The following DEPDC7 variants were observed in gnomAD, a reference collection of about 807,000 sequenced individuals.
The protein encoded by DEPDC7 is DEP domain-containing protein 7.
In DEPDC7, 41 loss-of-function variants were observed where a neutral mutation model predicts 56.6. The observed-to-expected ratio is 0.72, with a 90% CI of 0.56 to 0.94. The LOEUF is 0.94. Among genes scored for constraint, DEPDC7 ranks in the 40% least tolerant of loss-of-function variants. The pLI, the probability that DEPDC7 is intolerant of heterozygous loss-of-function variation, is 0.00. For synonymous variants in DEPDC7, 185 were observed against 208.8 expected (o/e 0.89, Z 0.98); for missense variants, 522 against 596.3 (o/e 0.88, Z 1.30).
chr11:33,026,482 A>G (rs1303845972), intron 2 of DEPDC7: 4 of 240,682 alleles, frequency 1.7e-5, no homozygotes, highest in Admixed American at 1.0e-4. Flanking sequence ...TTTGTCATGA[A>G]GTAAACCAAC....
chr11:33,032,819 G>T, intron 7 of DEPDC7, 26 bp downstream of exon 7: 2 of 1,591,840 alleles, frequency 1.3e-6, no homozygotes, highest in Non-Finnish European at 1.7e-6. Flanking sequence ...TAGTTAAATT[G>T]AGCTTATGTA....
chr11:33,019,370 A>G (rs1324326781), intron 1 of DEPDC7, among the ~76,000 whole-genome samples: 1 of 152,046 alleles, frequency 6.6e-6, no homozygotes, highest in Non-Finnish European at 1.5e-5. Context: ...CTTCCTTTAA[A>G]AATTTTTTTT....
In DEPDC7 at chr11:33,031,553, T is replaced by C; in HGVS notation, c.958T>C (p.Leu320=). ...TAGTAGGGAACCTCTGTTAAATCAC[T>C]TATCTGACGTTCATAATGGAATTGC... ...YSSREPLLNH[L]SDVHNGIAEL... Residue 320 remains leucine (L), a synonymous_variant, in exon 5 of 9, where the codon TTA becomes CTA. Coordinates refer to ENST00000241051, the MANE Select transcript of DEPDC7 (RefSeq NM_001077242.2). 1.2e-6 allele frequency: 2 copies of C among 1,613,950 alleles called. No individual in the cohort carries two copies.
chr11:33,017,636 A>T (rs1853477948), intron 1 of DEPDC7, among the ~76,000 whole-genome samples: 1 of 152,122 alleles, frequency 6.6e-6, no homozygotes, highest in African/African-American at 2.4e-5. Context: ...TTCACCCTTT[A>T]GTTGCCTTGT....
chr11:33,019,300 A>C (rs1484437465), intron 1 of DEPDC7, among the ~76,000 whole-genome samples: 1 of 152,138 alleles, frequency 6.6e-6, no homozygotes, highest in Non-Finnish European at 1.5e-5. Flanking sequence ...GACAATCAAA[A>C]ATGTCTCCAG....
rs1308749983 is a variant in DEPDC7, at chr11:33,031,513, T to G, written c.918T>G (p.Ile306Met). 1 of 1,614,182 alleles carries G rather than the reference T, an allele frequency of 6.2e-7. No homozygotes were observed. The highest frequency in any genetic ancestry group is 1.1e-5 in the South Asian group (1 of 91,088). The change falls in exon 5 of 9, where the codon ATT (isoleucine) becomes ATG (methionine). Residue 306 changes from isoleucine (I) to methionine (M), a missense_variant. Coordinates refer to ENST00000241051, the MANE Select transcript of DEPDC7 (RefSeq NM_001077242.2). ...TGAAAGAACTTCTGTTTGATGCCAT[T>G]GGCAGATATTACAGTAGTAGGGAAC... ...DLVKELLFDA[I>M]GRYYSSREPL...
chr11:33,018,002 A>T (rs1853481751), intron 1 of DEPDC7, among the ~76,000 whole-genome samples: 1 of 152,200 alleles, frequency 6.6e-6, no homozygotes, highest in South Asian at 2.1e-4. Context: ...AATGTATGTG[A>T]ATTAAAGCAG....
At chr11:33,024,099 C>A (rs78328708) in intron 1 of DEPDC7, among the ~76,000 whole-genome samples, 4,646 of 152,294 alleles carry the variant, frequency 0.031, 110 homozygotes, top group Non-Finnish European at 0.047. Flanking sequence ...AGCCAGCCAG[C>A]CACCAAGTGA....
chr11:33,027,445 G>T (rs72901291), intron 2 of DEPDC7, among the ~76,000 whole-genome samples: 1 of 152,194 alleles, frequency 6.6e-6, no homozygotes, highest in Non-Finnish European at 1.5e-5. Flanking sequence ...TTTTTAAACT[G>T]GTGACTAAGA....
At chr11:33,019,469 C>T (rs1468811954) in intron 1 of DEPDC7, among the ~76,000 whole-genome samples, 1 of 151,828 alleles carries the variant, frequency 6.6e-6, no homozygotes. Context: ...AGTTTGAGAC[C>T]AGCCTGGCCA....
At position 33,033,385 on chromosome 11, in the gene DEPDC7, A is replaced by G. The variant is rs1023777515; in HGVS notation, c.1466A>G (p.Glu489Gly). The G allele has an allele frequency of 3.1e-6, 5 of 1,611,142 alleles. No homozygotes were observed. Among genetic ancestry groups the G allele is most frequent in the Non-Finnish European group, 4.2e-6 (5 of 1,179,134 alleles). Residue 489 changes from glutamate to glycine, a missense_variant, in exon 9 of 9, where the codon GAG (glutamate) becomes GGG (glycine). Transcript: ENST00000241051. ...LDEDSKLSAK[E>G]KKKLLGQFYK... ...GAGGATTCAAAACTTTCTGCCAAAGAGAAGAAAAAATTGCTAGGTCAATTC... is the reference window on the plus strand; with the variant it reads ...GAGGATTCAAAACTTTCTGCCAAAGGGAAGAAAAAATTGCTAGGTCAATTC...
At chr11:33,023,942 C>A in intron 1 of DEPDC7, among the ~76,000 whole-genome samples, 1 of 152,088 alleles carries the variant, frequency 6.6e-6, no homozygotes, top group East Asian at 1.9e-4. Flanking sequence ...ATAACTTCAC[C>A]TTCTCTGCCA....
chr11:33,028,435 C>G (rs1853599978), intron 3 of DEPDC7, 168 bp from the exon 4 acceptor site: 2 of 538,472 alleles, frequency 3.7e-6, no homozygotes, highest in Non-Finnish European at 6.4e-6. Context: ...ACACTCTAAA[C>G]AAATCTTGGA....
intron 4 of DEPDC7, 46 bp from the exon 5 acceptor site, chr11:33,031,332 A>G: frequency 6.9e-7 from 1 of 1,453,714 alleles, no homozygotes; most frequent in African/African-American, 1.4e-5. Flanking sequence ...TGCCTTTTAA[A>G]TAATCTTCCC....
At chr11:33,028,442 T>C (rs1325877034) in intron 3 of DEPDC7, 161 bp from the exon 4 acceptor site, 2 of 547,406 alleles carry the variant, frequency 3.7e-6, no homozygotes, top group Non-Finnish European at 6.3e-6. Flanking sequence ...AAACAAATCT[T>C]GGATTGTTTT....
chr11:33,015,883 T>C lies in DEPDC7; in HGVS notation c.-73T>C, dbSNP rs1853449609. ...TGCAGGGAGCCACGCCCCGCACAGTTAACAGACGGGCGCTCAGGGAGCTAG... is the reference window on the plus strand; with the variant it reads ...TGCAGGGAGCCACGCCCCGCACAGTCAACAGACGGGCGCTCAGGGAGCTAG... On this transcript the variant is annotated 5_prime_UTR_variant, in exon 1 of 9. Transcript: ENST00000241051. 1.4e-6 allele frequency: 2 copies of C among 1,453,558 alleles called. No homozygotes were observed. The highest frequency in any genetic ancestry group is 1.9e-6 in the Non-Finnish European group (2 of 1,076,198). 90.0% of individuals were successfully genotyped at this position (1,453,558 alleles called of 1,614,324 possible). A position where few individuals can be genotyped will look rare whatever the true frequency, so the allele number is the denominator to read the frequency against.
chr11:33,016,073 G>A, intron 1 of DEPDC7, 45 bp downstream of exon 1: 1 of 1,391,788 alleles, frequency 7.2e-7, no homozygotes, highest in East Asian at 3.1e-5. Flanking sequence ...GGGCGGGCTG[G>A]GGTGCGCGGG....
At chr11:33,016,420 CAACCACAAA>C in intron 1 of DEPDC7, 1 of 1,539,900 alleles carries the variant, frequency 6.5e-7, no homozygotes, top group Non-Finnish European at 8.7e-7. Flanking sequence ...CCCCCTGTCT[CAACCACAAA>C]CCTTGACGAC....
At chr11:33,026,165 G>A in intron 2 of DEPDC7, 116 bp downstream of exon 2, 1 of 1,129,310 alleles carries the variant, frequency 8.9e-7, no homozygotes, top group Non-Finnish European at 1.3e-6. Flanking sequence ...CTAAAATATG[G>A]GTCTGTGGGT....
Sources: gnomAD v4.1 joint callset for allele counts (sites outside exome capture counted in the v4.1 genomes callset) on GRCh38, gnomAD v4.1.1 for gene constraint, MANE v1.5 for transcripts, NCBI Gene and HGNC (gene_info 2026-07-23, HGNC 2026-07-21) for gene names.